Variants in NEB observed in about 807,000 individuals in gnomAD.
NEB encodes nemaline myopathy type 2.
Under a neutral mutation model 952.2 loss-of-function variants are expected in NEB, and 512 were observed. The ratio of observed to expected loss-of-function variants is 0.54; its 90% CI spans 0.50 to 0.58. The LOEUF is 0.58. Among genes scored for constraint, NEB ranks in the 20% least tolerant of loss-of-function variants. The pLI is 0.00. For missense variants in NEB, 8,428 were observed against 9,231.1 expected, an observed-to-expected ratio of 0.91 and a Z score of 3.56; for synonymous variants, 2,900 against 3,149.8, an observed-to-expected ratio of 0.92 and a Z score of 2.66.
In NEB at chr2:151,609,905, A is replaced by T. The variant is rs752937326; in HGVS notation, c.12234T>A (p.Thr4078=). 11 of 1,613,802 alleles carry T rather than the reference A, an allele frequency of 6.8e-6. No individual in the cohort carries two copies. The Admixed American group carries it at 1.8e-4, about 27-fold the overall frequency. Residue 4078 remains threonine (T), a synonymous_variant, in exon 81 of 182, where the codon ACT becomes ACA. Transcript: ENST00000397345. ...LLAKKCQTLV[T]DIDYRNYLHE... is the part of the protein sequence containing the mutation. ...GCAGGTAATTGCGATAATCAATGTCAGTGACCAAAGTCTGACATTTCTTGG... is the reference window on the plus strand; with the variant it reads ...GCAGGTAATTGCGATAATCAATGTCTGTGACCAAAGTCTGACATTTCTTGG...
chr2:151,694,416 A>G lies in NEB; in HGVS notation c.1803T>C (p.Tyr601=), dbSNP rs775413813. The change falls in exon 20 of 182, where the codon TAT becomes TAC. Residue 601 remains tyrosine, a synonymous_variant. Transcript: ENST00000397345. ...NTSDVMYKKD[Y]EKNKGKMIGV... is the part of the protein sequence containing the mutation. ...CAATCATTTTCCCTTTGTTTTTTTC[A>G]TAGTCTTTCTTGTACATCACCTGCA... 17 of 1,613,664 alleles carry G rather than the reference A, an allele frequency of 1.1e-5. No homozygotes were observed. The highest frequency in any genetic ancestry group is 3.3e-4 in the Middle Eastern group (2 of 6,084).
intron 161 of NEB, among the ~76,000 whole-genome samples, chr2:151,511,974 T>C (rs919516015): frequency 6.6e-6 from 1 of 151,672 alleles, no homozygotes; most frequent in Non-Finnish European, 1.5e-5. Flanking sequence ...TTAAAAGAGT[T>C]CTTCACTACC....
chr2:151,726,888 A>T (rs758134579), intron 5 of NEB, among the ~76,000 whole-genome samples: 8 of 150,302 alleles, frequency 5.3e-5, no homozygotes, highest in Non-Finnish European at 1.0e-4. Context: ...AGATCCTACA[A>T]TTTTTTTTTT....
chr2:151,491,217 G>GA, intron 179 of NEB: 1 of 157,826 alleles, frequency 6.3e-6, no homozygotes, highest in East Asian at 1.8e-4. Context: ...ACTGTTTGTA[G>GA]AAAAGGGGTC....
chr2:151,573,163 C>T (rs977422003), intron 107 of NEB, among the ~76,000 whole-genome samples: 1 of 152,130 alleles, frequency 6.6e-6, no homozygotes, highest in Non-Finnish European at 1.5e-5. Context: ...AATGGTGATA[C>T]ACTTGTAAAG....
chr2:151,693,715 TG>T (rs1483898310), intron 20 of NEB, among the ~76,000 whole-genome samples: 2 of 152,210 alleles, frequency 1.3e-5, no homozygotes, highest in Admixed American at 1.3e-4. Flanking sequence ...AATGAATATA[TG>T]TGTTCATATA....
At position 151,496,065 on chromosome 2, in the gene NEB, ACTT is replaced by A. The variant is rs373594030; in HGVS notation, c.24486+208_24486+210del. Reference sequence around the variant, plus strand: ...AGGATGTTTTATAGGAAAATCTGTTACTTCTTGATATTAGAACTTTATGGATTA... The same window carrying A: ...AGGATGTTTTATAGGAAAATCTGTTACTTGATATTAGAACTTTATGGATTA... On this transcript the variant is annotated intron_variant, in intron 173 of 181. Coordinates refer to ENST00000397345, the MANE Select transcript of NEB (RefSeq NM_001164508.2). 1.5e-3 allele frequency among the ~76,000 whole-genome samples: 232 copies of A among 152,312 alleles called. 1 individual carries two copies. The highest frequency in any genetic ancestry group is 5.3e-3 in the African/African-American group (222 of 41,570).
intron 78 of NEB, 34 bp from the exon 79 acceptor site, chr2:151,610,900 G>T: frequency 1.5e-6 from 2 of 1,378,244 alleles, no homozygotes; most frequent in South Asian, 1.4e-5. Flanking sequence ...CATGGGGAGA[G>T]GGAGGGAGTA....
At chr2:151,508,131 TAAG>T (rs1431154267) in intron 161 of NEB, 22 bp from the exon 162 acceptor site, 13 of 1,529,140 alleles carry the variant, frequency 8.5e-6, no homozygotes, top group East Asian at 4.6e-5. Flanking sequence ...TTCCAAGAAA[TAAG>T]GAGGGTAAAC....
chr2:151,670,000 C>T (rs1410050632), intron 38 of NEB, among the ~76,000 whole-genome samples: 3 of 152,114 alleles, frequency 2.0e-5, no homozygotes, highest in Non-Finnish European at 4.4e-5. Context: ...AGGTGTTAAC[C>T]GTGACTGCCA....
In NEB at chr2:151,664,549, A is replaced by C. The variant is rs1485835913; in HGVS notation, c.5403T>G (p.Asp1801Glu). The change falls in exon 44 of 182, where the codon GAT (aspartate) becomes GAG (glutamate). Residue 1801 changes from aspartate to glutamate, a missense_variant. By Grantham distance (45) the Asp-to-Glu change is conservative (BLOSUM62 2). Coordinates refer to ENST00000397345, the MANE Select transcript of NEB (RefSeq NM_001164508.2). Reference sequence around the variant, plus strand: ...CTCTTGCAGCCTTTATTGCAATGGCATCAGGCCTCAGGTCATATCCTTTCT... The same window carrying C: ...CTCTTGCAGCCTTTATTGCAATGGCCTCAGGCCTCAGGTCATATCCTTTCT... ...EKKKGYDLRP[D>E]AIAIKAARAS... is the part of the protein sequence containing the mutation. 1 of 1,608,362 alleles carries C rather than the reference A, an allele frequency of 6.2e-7. No individual in the cohort carries two copies. The highest frequency in any genetic ancestry group is 8.5e-7 in the Non-Finnish European group (1 of 1,177,452).
At position 151,714,000 on chromosome 2, in the gene NEB, A is replaced by C. The variant is rs148024760; in HGVS notation, c.822+3416T>G. ...CAAAATATGGCTCCCTAGTATAATG[A>C]GTATTTTGAATTAAAGGCCCTTAGA... On this transcript the variant is annotated intron_variant, in intron 10 of 181. Coordinates refer to ENST00000397345, the MANE Select transcript of NEB (RefSeq NM_001164508.2). Among the ~76,000 whole-genome samples, 258 of 152,292 alleles carry C rather than the reference A, an allele frequency of 1.7e-3. 1 individual carries two copies. Among genetic ancestry groups the C allele is most frequent in the South Asian group, 6.0e-3 (29 of 4,824 alleles).
chr2:151,682,082 A>G (rs1330201643), intron 29 of NEB, among the ~76,000 whole-genome samples: 3 of 152,186 alleles, frequency 2.0e-5, no homozygotes, highest in Non-Finnish European at 2.9e-5. Context: ...AATAATTTTT[A>G]AAAACCAAAT....
intron 153 of NEB, 117 bp from the exon 154 acceptor site, chr2:151,519,885 T>C: frequency 1.5e-6 from 1 of 659,142 alleles, no homozygotes; most frequent in Non-Finnish European, 2.7e-6. Flanking sequence ...GATCATATAA[T>C]CTATTATCCA....
intron 148 of NEB, among the ~76,000 whole-genome samples, 152 bp from the exon 149 acceptor site, chr2:151,526,414 G>GT (rs1250848752): frequency 6.6e-6 from 1 of 152,112 alleles, no homozygotes; most frequent in Admixed American, 6.5e-5. Flanking sequence ...ATTCAAAAGG[G>GT]TTTTTTCCTT....
At chr2:151,525,821 G>A in intron 150 of NEB, 137 bp downstream of exon 150, 1 of 766,598 alleles carries the variant, frequency 1.3e-6, no homozygotes, top group South Asian at 1.5e-5. Context: ...AAAAGTCAGA[G>A]TTTAAGATTC....
chr2:151,555,385 T>A (rs2095585103), intron 124 of NEB, among the ~76,000 whole-genome samples: 1 of 152,220 alleles, frequency 6.6e-6, no homozygotes, highest in African/African-American at 2.4e-5. Context: ...TTTAAAAATA[T>A]TCTCTTGTGG....
At chr2:151,713,307 G>T (rs921119028) in intron 10 of NEB, among the ~76,000 whole-genome samples, 1 of 152,142 alleles carries the variant, frequency 6.6e-6, no homozygotes, top group African/African-American at 2.4e-5. Context: ...ACTCCTGATG[G>T]TTCCATTCAT....
At chr2:151,515,896 A>C (rs1276683931) in intron 157 of NEB, among the ~76,000 whole-genome samples, 1 of 152,230 alleles carries the variant, frequency 6.6e-6, no homozygotes, top group Non-Finnish European at 1.5e-5. Context: ...TGGAAATTCC[A>C]AATAAGCCCA....
Sources: gnomAD v4.1 joint callset for allele counts (sites outside exome capture counted in the v4.1 genomes callset) on GRCh38, gnomAD v4.1.1 for gene constraint, MANE v1.5 for transcripts, NCBI Gene and HGNC (gene_info 2026-07-23, HGNC 2026-07-21) for gene names.